DNAJC5: variants seen among roughly 807,000 people sequenced by gnomAD.
DNAJC5 encodes dnaJ homolog subfamily C member 5.
In DNAJC5, 1 loss-of-function variant was observed where a neutral mutation model predicts 23.2. The observed-to-expected ratio is 0.04, with a 90% confidence interval of 0.02 to 0.20. DNAJC5 has a LOEUF of 0.20. DNAJC5 is among the 10% of genes least tolerant of loss of function. The pLI, the probability that DNAJC5 is intolerant of heterozygous loss-of-function variation, is 1.00. For synonymous variants in DNAJC5, 136 were observed against 120.0 expected (o/e 1.13, Z -0.87); for missense variants, 180 against 267.0 (o/e 0.67, Z 2.27).
At chr20:63,911,251 T>C (rs2053481126) in intron 1 of DNAJC5, among the ~76,000 whole-genome samples, 1 of 152,216 alleles carries the variant, frequency 6.6e-6, no homozygotes, top group African/African-American at 2.4e-5. Context: ...GGAATGGTTT[T>C]ATAGTTTCAG....
chr20:63,895,569 A>AG (rs2053369102), intron 1 of DNAJC5, among the ~76,000 whole-genome samples: 1 of 150,136 alleles, frequency 6.7e-6, no homozygotes, highest in African/African-American at 2.4e-5. Flanking sequence ...CGGGGGTCTG[A>AG]GCACCGTGGT....
intron 1 of DNAJC5, among the ~76,000 whole-genome samples, chr20:63,907,338 T>G (rs1024863323): frequency 1.1e-4 from 16 of 152,212 alleles, no homozygotes; most frequent in African/African-American, 2.4e-4. Context: ...AGTCTCAGTC[T>G]TCTTAGCCGA....
At chr20:63,923,160 A>G (rs1336562017) in intron 1 of DNAJC5, among the ~76,000 whole-genome samples, 1 of 149,704 alleles carries the variant, frequency 6.7e-6, no homozygotes, top group East Asian at 2.0e-4. Flanking sequence ...AAAAAAAAGA[A>G]TAAGTCACAT....
rs2053563502 is a variant in DNAJC5, at chr20:63,920,691, T to G, written c.-11-7644T>G. 6.6e-6 allele frequency among the ~76,000 whole-genome samples: 1 copy of G among 152,216 alleles called. No individual in the cohort carries two copies. The highest frequency in any genetic ancestry group is 1.5e-5 in the Non-Finnish European group (1 of 68,046). ...TTTTTAATTTTTATTTATTTATTTA[T>G]TTTTGAGACTGAGTCTGACTCTGTC... is the stretch of plus-strand genomic sequence containing the variant. On this transcript the variant is annotated intron_variant, in intron 1 of 4. Transcript: ENST00000360864. The surrounding 1 kb of genome is among the most constrained non-coding windows in gnomAD (Gnocchi z 4.6).
Position 63,935,033 on chromosome 20 carries a change from G to A in DNAJC5, c.*3465G>A, listed in dbSNP as rs1186375749. The A allele has an allele frequency of 6.6e-6, 1 of 152,262 alleles. No homozygotes were observed. Among genetic ancestry groups the A allele is most frequent in the East Asian group, 1.9e-4 (1 of 5,198 alleles). 9.4% of individuals were successfully genotyped at this position (152,262 alleles called of 1,614,324 possible). On this transcript the variant is annotated 3_prime_UTR_variant, in exon 5 of 5. Coordinates refer to ENST00000360864, the MANE Select transcript of DNAJC5 (RefSeq NM_025219.3). ...TGATCTCACCCTTTCCCAGTATTCAGAGCTGTGAACCCCTGTGGCGCAGGA... is the reference window on the plus strand; with the variant it reads ...TGATCTCACCCTTTCCCAGTATTCAAAGCTGTGAACCCCTGTGGCGCAGGA...
chr20:63,929,073 C>T lies in DNAJC5; in HGVS notation c.108-239C>T, dbSNP rs2053639424. ...CTGAACTTAGATGTGCCGTGGCACTCACAGCCCTTGGGGCTCCCTCCTCTG... is the reference window on the plus strand; with the variant it reads ...CTGAACTTAGATGTGCCGTGGCACTTACAGCCCTTGGGGCTCCCTCCTCTG... On this transcript the variant is annotated intron_variant, in intron 2 of 4. Coordinates refer to ENST00000360864, the MANE Select transcript of DNAJC5 (RefSeq NM_025219.3). This position sits in a 1 kb window ranked among gnomAD's most constrained non-coding sequence, Gnocchi z 8.6. 6.6e-6 allele frequency among the ~76,000 whole-genome samples: 1 copy of T among 152,236 alleles called. No individual in the cohort carries two copies. Among genetic ancestry groups the T allele is most frequent in the African/African-American group, 2.4e-5 (1 of 41,472 alleles).
chr20:63,900,098 A>G (rs2053402213), intron 1 of DNAJC5, among the ~76,000 whole-genome samples: 1 of 150,768 alleles, frequency 6.6e-6, no homozygotes, highest in Non-Finnish European at 1.5e-5. Flanking sequence ...CATGTTGGCC[A>G]GGCTGGTCTT....
intron 1 of DNAJC5, among the ~76,000 whole-genome samples, chr20:63,905,938 T>A (rs2146275732): frequency 6.6e-6 from 1 of 151,860 alleles, no homozygotes; most frequent in Non-Finnish European, 1.5e-5. Flanking sequence ...TTTCACCATG[T>A]TGGCCAGGCT....
intron 1 of DNAJC5, among the ~76,000 whole-genome samples, chr20:63,910,167 T>A (rs190151874): frequency 1.1e-3 from 169 of 152,228 alleles, no homozygotes; most frequent in African/African-American, 3.8e-3. Context: ...CAAACCTTGA[T>A]TGAATAGTCG....
intron 1 of DNAJC5, among the ~76,000 whole-genome samples, chr20:63,914,418 G>C (rs1398642723): frequency 6.6e-6 from 1 of 151,730 alleles, no homozygotes; most frequent in Non-Finnish European, 1.5e-5. Context: ...GGGTTCACGC[G>C]ATTCTCCCGC....
chr20:63,913,837 C>T (rs932659431), intron 1 of DNAJC5, among the ~76,000 whole-genome samples: 2 of 152,220 alleles, frequency 1.3e-5, no homozygotes, highest in Non-Finnish European at 2.9e-5. Flanking sequence ...CCTTGGCCTC[C>T]CAAAGTGCTG....
chr20:63,909,967 T>C (rs896817354), intron 1 of DNAJC5, among the ~76,000 whole-genome samples: 5 of 152,204 alleles, frequency 3.3e-5, no homozygotes, highest in African/African-American at 1.2e-4. Flanking sequence ...TTTGGGACTG[T>C]GTTAAGGTTT....
At position 63,929,598 on chromosome 20, in the gene DNAJC5, G is replaced by GT. The variant is rs2053646125; in HGVS notation, c.321+74dup. Reference sequence around the variant, plus strand: ...TGCGGGCACCCGAGTCTCTCCTGCCGTGCGGGCACCCGAGTCACTCCTGCC... The same window carrying GT: ...TGCGGGCACCCGAGTCTCTCCTGCCGTTGCGGGCACCCGAGTCACTCCTGCC... On this transcript the variant is annotated intron_variant, in intron 3 of 4. Transcript: ENST00000360864. The surrounding 1 kb of genome is among the most constrained non-coding windows in gnomAD (Gnocchi z 8.6). 7.4e-7 allele frequency: 1 copy of GT among 1,342,902 alleles called. No homozygotes were observed. Among genetic ancestry groups the GT allele is most frequent in the African/African-American group, 1.5e-5 (1 of 67,160 alleles). 83.2% of individuals were successfully genotyped at this position (1,342,902 alleles called of 1,614,324 possible).
intron 1 of DNAJC5, among the ~76,000 whole-genome samples, chr20:63,926,983 C>T (rs970483669): frequency 1.3e-5 from 2 of 152,182 alleles, no homozygotes; most frequent in East Asian, 1.9e-4. Context: ...ACATGTTAGC[C>T]GGAGGTGTGT....
At chr20:63,918,033 G>A (rs956750590) in intron 1 of DNAJC5, among the ~76,000 whole-genome samples, 11 of 152,138 alleles carry the variant, frequency 7.2e-5, no homozygotes, top group Non-Finnish European at 1.3e-4. Context: ...CACCCACCGC[G>A]CCTGCTGCTC....
rs559018876 is a variant in DNAJC5, at chr20:63,902,144, T to A, written c.-12+6821T>A. ...ATCTCGGCTCACTGCAAGCTCCGCCTCCCGGGTTCACGCCATTCCCCTGCC... is the reference window on the plus strand; with the variant it reads ...ATCTCGGCTCACTGCAAGCTCCGCCACCCGGGTTCACGCCATTCCCCTGCC... On this transcript the variant is annotated intron_variant, in intron 1 of 4. Transcript: ENST00000360864. Among the ~76,000 whole-genome samples, 19 of 151,324 alleles carry A rather than the reference T, an allele frequency of 1.3e-4. No homozygotes were observed. The South Asian group carries it at 3.8e-3, about 30-fold the overall frequency.
At position 63,933,313 on chromosome 20, in the gene DNAJC5, A is replaced by G. The variant is rs2053689939; in HGVS notation, c.*1745A>G. ...GGAAGCTGCCAAAAGGGACATGGAT[A>G]TGAGGATACATCTGGACGTGCTTAG... On this transcript the variant is annotated 3_prime_UTR_variant, in exon 5 of 5. Coordinates refer to ENST00000360864, the MANE Select transcript of DNAJC5 (RefSeq NM_025219.3). 6.6e-6 allele frequency: 1 copy of G among 152,374 alleles called. No homozygotes were observed. The allele number at this position is 152,374 out of a possible 1,614,324, so 9.4% of individuals were successfully genotyped here.
At position 63,923,586 on chromosome 20, in the gene DNAJC5, G is replaced by A. The variant is rs368006770; in HGVS notation, c.-11-4749G>A. 2.7e-3 allele frequency among the ~76,000 whole-genome samples: 414 copies of A among 152,178 alleles called. 4 individuals are homozygous for A. The South Asian group carries it at 0.04, about 15-fold the overall frequency. ...TAAAAATTTTAAAAAATAGCTGGGC[G>A]TGGTATTGCACACCTGTAGTCCCAG... is the stretch of plus-strand genomic sequence containing the variant. On this transcript the variant is annotated intron_variant, in intron 1 of 4. Transcript: ENST00000360864.
In DNAJC5 at chr20:63,928,110, G is replaced by A. The variant is rs927926497; in HGVS notation, c.-11-225G>A. On this transcript the variant is annotated intron_variant, in intron 1 of 4. Transcript: ENST00000360864. This position sits in a 1 kb window ranked among gnomAD's most constrained non-coding sequence, Gnocchi z 4.6. ...GACTACAGGTGTGAGCCCCTGTGCC[G>A]GCCCACAGTACACAGCTGCAGTTCT... is the stretch of plus-strand genomic sequence containing the variant. Among the ~76,000 whole-genome samples, 6 of 152,018 alleles carry A rather than the reference G, an allele frequency of 3.9e-5. No homozygotes were observed. The highest frequency in any genetic ancestry group is 1.5e-4 in the African/African-American group (6 of 41,368).
Sources: allele counts gnomAD v4.1 joint callset (sites outside exome capture counted in the v4.1 genomes callset), GRCh38; gene constraint gnomAD v4.1.1; non-coding constraint Gnocchi (gnomAD v3.1); transcripts MANE v1.5; gene names NCBI Gene and HGNC (gene_info 2026-07-23, HGNC 2026-07-21).